The following VGLL4 variants were observed in gnomAD, a reference collection of about 807,000 sequenced individuals.
VGLL4 encodes vestigial like family member 4.
Under a neutral mutation model 21.0 loss-of-function variants are expected in VGLL4, and 7 were observed. The observed-to-expected ratio is 0.33, with a 90% CI of 0.19 to 0.63. The LOEUF (loss-of-function observed/expected upper bound fraction) is 0.63. Ranked by LOEUF, VGLL4 falls within the 20% of genes least tolerant of loss-of-function variation. The probability of loss-of-function intolerance (pLI) is 0.78; values close to 1 mark genes in which losing one functional copy is unlikely to be tolerated. For synonymous variants in VGLL4, 222 were observed against 173.2 expected (o/e 1.28, Z -2.21); for missense variants, 394 against 425.7 (o/e 0.93, Z 0.66).
chr3:11,629,375 A>C (rs79715135), intron 1 of VGLL4, among the ~76,000 whole-genome samples: 2 of 144,716 alleles, frequency 1.4e-5, no homozygotes, highest in East Asian at 2.0e-4. Flanking sequence ...AAAAAAAAAA[A>C]GGTTAAGGTC....
intron 2 of VGLL4, among the ~76,000 whole-genome samples, chr3:11,694,349 G>A (rs910006475): frequency 3.9e-5 from 6 of 152,140 alleles, no homozygotes; most frequent in African/African-American, 7.2e-5. Context: ...GGTCAGGCGC[G>A]GTGGCTCATG....
intron 2 of VGLL4, among the ~76,000 whole-genome samples, chr3:11,656,248 C>G (rs919992167): frequency 6.6e-6 from 1 of 152,156 alleles, no homozygotes; most frequent in African/African-American, 2.4e-5. Flanking sequence ...GAGTGCTTCC[C>G]AAATATTAAA....
At chr3:11,694,832 A>T (rs913370111) in intron 2 of VGLL4, among the ~76,000 whole-genome samples, 9 of 152,284 alleles carry the variant, frequency 5.9e-5, no homozygotes, top group Admixed American at 5.2e-4. Context: ...CTGGCAGCAT[A>T]TGCCACAGTT....
intron 2 of VGLL4, among the ~76,000 whole-genome samples, chr3:11,674,908 A>C (rs1481261496): frequency 6.6e-6 from 1 of 152,136 alleles, no homozygotes. Flanking sequence ...CTGGAATGAC[A>C]CTCTTTGGCA....
At chr3:11,601,505 T>C (rs1453537472) in intron 2 of VGLL4, among the ~76,000 whole-genome samples, 1 of 152,092 alleles carries the variant, frequency 6.6e-6, no homozygotes, top group Admixed American at 6.5e-5. Context: ...AAACAATCAA[T>C]ATGTATGGGC....
chr3:11,583,276 A>G (rs2074283636), intron 2 of VGLL4, among the ~76,000 whole-genome samples: 1 of 152,218 alleles, frequency 6.6e-6, no homozygotes, highest in South Asian at 2.1e-4. Context: ...TTCTAATTAT[A>G]AAAGACAAGA....
chr3:11,621,282 T>C (rs2075261391), intron 1 of VGLL4, among the ~76,000 whole-genome samples: 1 of 152,280 alleles, frequency 6.6e-6, no homozygotes, highest in African/African-American at 2.4e-5. Flanking sequence ...TTTAGGACAT[T>C]TCTTCACCCC....
At chr3:11,590,983 A>G (rs1428342543) in intron 2 of VGLL4, among the ~76,000 whole-genome samples, 2 of 152,192 alleles carry the variant, frequency 1.3e-5, no homozygotes, top group African/African-American at 2.4e-5. Context: ...ATATACATTC[A>G]GGACAAACTG....
At chr3:11,647,644 A>G (rs149654418), upstream of VGLL4, among the ~76,000 whole-genome samples, 790 of 152,216 alleles carry the variant, frequency 5.2e-3, 6 homozygotes, top group Non-Finnish European at 7.8e-3. Context: ...TTCATTTCAG[A>G]TTTTTGGATT....
chr3:11,588,895 T>G (rs940707611), intron 2 of VGLL4, among the ~76,000 whole-genome samples: 6 of 152,076 alleles, frequency 3.9e-5, no homozygotes, highest in African/African-American at 7.2e-5. Context: ...AGGCTAGAGG[T>G]AAAGATGTGG....
At chr3:11,594,494 G>A (rs563389252) in intron 2 of VGLL4, among the ~76,000 whole-genome samples, 33 of 152,208 alleles carry the variant, frequency 2.2e-4, no homozygotes, top group African/African-American at 6.7e-4. Context: ...CCTCACAGGT[G>A]ACACATCCCA....
chr3:11,596,027 A>G (rs571740118), intron 2 of VGLL4, among the ~76,000 whole-genome samples: 1 of 152,266 alleles, frequency 6.6e-6, no homozygotes, highest in East Asian at 1.9e-4. Flanking sequence ...AGAAGGGGAA[A>G]TGATAAAACA....
rs768273433 is a variant in VGLL4 at position 11,601,984 on chromosome 3, G to A, written c.121C>T (p.Leu41=). 6.2e-7 allele frequency: 1 copy of A among 1,602,084 alleles called. No individual in the cohort carries two copies. The change falls in exon 2 of 5, where the codon CTG becomes TTG. Residue 41 remains leucine (L), a synonymous_variant. Transcript: ENST00000430365. ...ALRGEPRIQT[L]PVASALSSHR... ...CTGCTGAGGGCAGAGGCCACCGGCA[G>A]GGTCTGTATTCTGGGTTCTCCCCTG...
upstream of VGLL4, among the ~76,000 whole-genome samples, chr3:11,647,687 T>C (rs2075813044): frequency 6.6e-6 from 1 of 152,326 alleles, no homozygotes; most frequent in Non-Finnish European, 1.5e-5. Context: ...TATGTGCTTC[T>C]TTCCTAGCCT....
intron 1 of VGLL4, among the ~76,000 whole-genome samples, chr3:11,627,629 G>A (rs1463656878): frequency 6.7e-6 from 1 of 149,504 alleles, no homozygotes; most frequent in Non-Finnish European, 1.5e-5. Context: ...TCAATGTTCT[G>A]AGAATAAGAT....
chr3:11,653,046 G>C lies in VGLL4; in HGVS notation c.64+49925C>G, dbSNP rs2075900100. ...AGAACTGACTTCCATGGTAAAAATA[G>C]AAGAACTGGAGAAAATGTCCCAAAT... On this transcript the variant is annotated intron_variant, in intron 2 of 5. Transcript: ENST00000273038. This position sits in a 1 kb window ranked among gnomAD's most constrained non-coding sequence, Gnocchi z 4.2. Among the ~76,000 whole-genome samples, 1 of 152,176 alleles carries C rather than the reference G, an allele frequency of 6.6e-6. No homozygotes were observed. The highest frequency in any genetic ancestry group is 2.1e-4 in the South Asian group (1 of 4,828).
At chr3:11,654,086 CA>C (rs199514272) in intron 2 of VGLL4, among the ~76,000 whole-genome samples, 2,058 of 151,852 alleles carry the variant, frequency 0.014, 56 homozygotes, top group African/African-American at 0.046. Context: ...GGACACCCCC[CA>C]CCACCACCAC....
intron 3 of VGLL4, among the ~76,000 whole-genome samples, chr3:11,560,837 G>A (rs1035508763): frequency 1.3e-5 from 2 of 152,200 alleles, no homozygotes; most frequent in African/African-American, 4.8e-5. Context: ...CCGGGCAGGT[G>A]GAGCTGGGCT....
intron 1 of VGLL4, among the ~76,000 whole-genome samples, chr3:11,642,159 T>A (rs1305804115): frequency 6.6e-6 from 1 of 152,176 alleles, no homozygotes; most frequent in Non-Finnish European, 1.5e-5. Context: ...AAGATGTTAC[T>A]TAACACATCA....
Sources: gnomAD v4.1 joint callset for allele counts (sites outside exome capture counted in the v4.1 genomes callset) on GRCh38, gnomAD v4.1.1 for gene constraint, Gnocchi (gnomAD v3.1) non-coding constraint, MANE v1.5 for transcripts, NCBI Gene and HGNC (gene_info 2026-07-23, HGNC 2026-07-21) for gene names.